Variants in KCTD1 observed in about 807,000 individuals in gnomAD.
KCTD1 encodes the protein potassium channel tetramerization domain containing 1.
In KCTD1, 24 loss-of-function variants were observed where a neutral mutation model predicts 66.0. That is an observed-to-expected ratio of 0.36 (90% CI 0.26 to 0.51). The LOEUF (loss-of-function observed/expected upper bound fraction) is 0.51. Ranked by LOEUF, KCTD1 falls within the 20% of genes least tolerant of loss-of-function variation. KCTD1 has a pLI of 0.95. For missense variants in KCTD1, 943 were observed against 1,205.2 expected, an observed-to-expected ratio of 0.78 and a Z score of 3.22; for synonymous variants, 511 against 517.2, an observed-to-expected ratio of 0.99 and a Z score of 0.16.
At chr18:26,538,386 C>G (rs1691453015) in intron 1 of KCTD1, among the ~76,000 whole-genome samples, 1 of 152,204 alleles carries the variant, frequency 6.6e-6, no homozygotes, top group African/African-American at 2.4e-5. Context: ...AGCATCCACA[C>G]GGATGGGCTT....
Position 26,455,704 on chromosome 18 carries a change from TTGTG to T in KCTD1, c.*35_*38del, listed in dbSNP as rs1365433102. 6.2e-7 allele frequency: 1 copy of T among 1,613,474 alleles called. No individual in the cohort carries two copies. Among genetic ancestry groups the T allele is most frequent in the Non-Finnish European group, 8.5e-7 (1 of 1,179,740 alleles). ...GTCCCTTTTTTGTTTGAGTTATTGG[TTGTG>T]TGTGTTTTCCTTTTTGCATAAGAAA... is the stretch of plus-strand genomic sequence containing the variant. On this transcript the variant is annotated 3_prime_UTR_variant, in exon 5 of 5. Transcript: ENST00000580059.
rs1980872894 is a variant in KCTD1, at chr18:26,468,530, C to T, written c.2133+7985G>A. Among the ~76,000 whole-genome samples, 2 of 152,096 alleles carry T rather than the reference C, an allele frequency of 1.3e-5. No individual in the cohort carries two copies. Among genetic ancestry groups the T allele is most frequent in the African/African-American group, 4.8e-5 (2 of 41,414 alleles). On this transcript the variant is annotated intron_variant, in intron 3 of 4. Coordinates refer to ENST00000580059, the MANE Select transcript of KCTD1 (RefSeq NM_001142730.3). This position sits in a 1 kb window ranked among gnomAD's most constrained non-coding sequence, Gnocchi z 4.8. ...AACTTAGTGAAAGAGATTCTCTCCT[C>T]ATGCAAAAAACCATGTCCTGGCCGG...
At chr18:26,656,970 C>T (rs1471209117) in intron 1 of KCTD1, among the ~76,000 whole-genome samples, 1 of 148,942 alleles carries the variant, frequency 6.7e-6, no homozygotes, top group Non-Finnish European at 1.5e-5. Context: ...GAGCGGCGGG[C>T]GGGCGGCTCT....
At chr18:26,607,530 C>A (rs1179691383) in intron 1 of KCTD1, among the ~76,000 whole-genome samples, 1 of 152,170 alleles carries the variant, frequency 6.6e-6, no homozygotes, top group Non-Finnish European at 1.5e-5. Flanking sequence ...CTCTTTTATT[C>A]TCTTTCTTCC....
chr18:26,461,197 C>T (rs1980404640), intron 3 of KCTD1, among the ~76,000 whole-genome samples: 1 of 152,234 alleles, frequency 6.6e-6, no homozygotes, highest in South Asian at 2.1e-4. Flanking sequence ...ATAGCAGCAG[C>T]AGCTGTAGCG....
chr18:26,508,742 ACACG>A (rs759693612), intron 1 of KCTD1, among the ~76,000 whole-genome samples: 1 of 148,038 alleles, frequency 6.8e-6, no homozygotes, highest in Admixed American at 6.8e-5. Context: ...ACACACACAC[ACACG>A]CACAACATCT....
Position 26,588,792 on chromosome 18 carries a change from T to G in KCTD1, c.-16+40355A>C, listed in dbSNP as rs567838773. Among the ~76,000 whole-genome samples, 3 of 151,628 alleles carry G rather than the reference T, an allele frequency of 2.0e-5. No individual in the cohort carries two copies. The East Asian group carries it at 5.9e-4, about 30-fold the overall frequency. ...TTCTGGAAGGTTCCTGATACCCCAC[T>G]GGAGACATCATCCAATCCATTGCTT... On this transcript the variant is annotated intron_variant, in intron 1 of 4. Coordinates refer to the KCTD1 transcript ENST00000317932.
chr18:26,473,306 G>A (rs1379296033), intron 3 of KCTD1, among the ~76,000 whole-genome samples: 1 of 151,988 alleles, frequency 6.6e-6, no homozygotes, highest in Non-Finnish European at 1.5e-5. Flanking sequence ...AAATAACACA[G>A]GAACAGAAAA....
intron 1 of KCTD1, among the ~76,000 whole-genome samples, chr18:26,514,105 A>G (rs1983501733): frequency 6.6e-6 from 1 of 152,238 alleles, no homozygotes; most frequent in Non-Finnish European, 1.5e-5. Context: ...ATTAGTCTGA[A>G]AGCAGCTTGA....
chr18:26,648,969 TACATATTCAGTACTTACA>T (rs2145075993), intron 1 of KCTD1, among the ~76,000 whole-genome samples: 1 of 152,366 alleles, frequency 6.6e-6, no homozygotes, highest in South Asian at 2.1e-4. Context: ...GTATTGGTGT[TACATATTCAGTACTTACA>T]ACAACCCTCT....
At chr18:26,588,422 A>G (rs1390581001) in intron 1 of KCTD1, among the ~76,000 whole-genome samples, 1 of 152,220 alleles carries the variant, frequency 6.6e-6, no homozygotes, top group African/African-American at 2.4e-5. Context: ...TGGACCACAC[A>G]GTGAGAACTT....
rs147847258 is a variant in KCTD1 at position 26,596,976 on chromosome 18, CA to C, written c.-16+32170del. Among the ~76,000 whole-genome samples the C allele has an allele frequency of 2.0e-3, 310 of 152,084 alleles. 1 individual carries two copies. The highest frequency in any genetic ancestry group is 6.9e-3 in the African/African-American group (287 of 41,480). Reference sequence around the variant, plus strand: ...TCCTTCTTGAAAAATTTGGTTGTAACACCACTAGAGCAGAGCCAAGTGGTCC... The same window carrying C: ...TCCTTCTTGAAAAATTTGGTTGTAACCCACTAGAGCAGAGCCAAGTGGTCC... On this transcript the variant is annotated intron_variant, in intron 1 of 4. Transcript: ENST00000317932.
intron 1 of KCTD1, among the ~76,000 whole-genome samples, chr18:26,585,368 T>G (rs1986450666): frequency 6.6e-6 from 1 of 152,252 alleles, no homozygotes; most frequent in Admixed American, 6.5e-5. Context: ...AAGAATTCAG[T>G]GTTTGACTAA....
intron 2 of KCTD1, among the ~76,000 whole-genome samples, chr18:26,487,211 T>C (rs779967704): frequency 6.6e-6 from 1 of 152,228 alleles, no homozygotes; most frequent in Non-Finnish European, 1.5e-5. Context: ...TCGTTTATGA[T>C]GTCAGAGTGA....
chr18:26,565,879 G>A (rs1985969736), intron 1 of KCTD1: 1 of 151,994 alleles, frequency 6.6e-6, no homozygotes, highest in African/African-American at 2.4e-5. Flanking sequence ...ATTATTGTGG[G>A]AATTTTCCAT....
chr18:26,607,876 C>G (rs1987052357), intron 1 of KCTD1, among the ~76,000 whole-genome samples: 1 of 152,068 alleles, frequency 6.6e-6, no homozygotes. Flanking sequence ...CAAGTGATCC[C>G]CCTGCCTTAG....
At chr18:26,551,036 G>C (rs1985546844), upstream of KCTD1, among the ~76,000 whole-genome samples, 1 of 152,174 alleles carries the variant, frequency 6.6e-6, no homozygotes, top group Non-Finnish European at 1.5e-5. Context: ...CAGCCTGGGA[G>C]CGGAGCCGCC....
chr18:26,533,655 T>C (rs980028592), intron 1 of KCTD1, among the ~76,000 whole-genome samples: 1 of 152,084 alleles, frequency 6.6e-6, no homozygotes, highest in African/African-American at 2.4e-5. Flanking sequence ...TGTGCCACCA[T>C]GCTGGGCTAA....
intron 1 of KCTD1, among the ~76,000 whole-genome samples, chr18:26,595,286 T>C (rs1986741078): frequency 1.3e-5 from 2 of 152,230 alleles, no homozygotes; most frequent in Non-Finnish European, 2.9e-5. Context: ...CTCAGTTTCC[T>C]TAGAATTCCT....
Sources: allele counts gnomAD v4.1 joint callset (sites outside exome capture counted in the v4.1 genomes callset), GRCh38; gene constraint gnomAD v4.1.1; non-coding constraint Gnocchi (gnomAD v3.1); transcripts MANE v1.5; gene names NCBI Gene and HGNC (gene_info 2026-07-23, HGNC 2026-07-21).